Variants in TBC1D4 observed in about 807,000 individuals in gnomAD.
TBC1D4 encodes the protein TBC1 domain family member 4.
TBC1D4 carries 121 observed loss-of-function variants against 142.5 expected under a neutral mutation model. That is an observed-to-expected ratio of 0.85 (90% CI 0.73 to 0.99). The LOEUF is 0.99. Among genes scored for constraint, TBC1D4 ranks in the 50% least tolerant of loss-of-function variants. The probability of loss-of-function intolerance (pLI) is 0.00; values close to 1 mark genes in which losing one functional copy is unlikely to be tolerated. For synonymous variants in TBC1D4, 630 were observed against 628.2 expected (o/e 1.00, Z -0.04); for missense variants, 1,475 against 1,606.6 (o/e 0.92, Z 1.40).
At chr13:75,420,759 G>A (rs1012005768) in intron 1 of TBC1D4, among the ~76,000 whole-genome samples, 11 of 152,200 alleles carry the variant, frequency 7.2e-5, no homozygotes, top group Admixed American at 6.5e-5. Flanking sequence ...ATGTAGTGGG[G>A]TACGCAGATG....
At position 75,307,399 on chromosome 13, in the gene TBC1D4, A is replaced by G. The variant is rs143071319; in HGVS notation, c.2594-928T>C. Among the ~76,000 whole-genome samples, 1,015 of 152,320 alleles carry G rather than the reference A, an allele frequency of 6.7e-3. 42 individuals carry two copies. The highest frequency in any genetic ancestry group is 0.061 in the Admixed American group (933 of 15,298). ...ATCCGCCCAGAGCTCATTAAAAGAAATGTCTATAAAAGCAACCAGTATCTT... is the reference window on the plus strand; with the variant it reads ...ATCCGCCCAGAGCTCATTAAAAGAAGTGTCTATAAAAGCAACCAGTATCTT... On this transcript the variant is annotated intron_variant, in intron 14 of 20. Coordinates refer to ENST00000377636, the MANE Select transcript of TBC1D4 (RefSeq NM_014832.5).
intron 1 of TBC1D4, among the ~76,000 whole-genome samples, chr13:75,400,886 A>T (rs1885057480): frequency 6.6e-6 from 1 of 152,128 alleles, no homozygotes; most frequent in Non-Finnish European, 1.5e-5. Context: ...TTCATGTGCA[A>T]CCATCACCCA....
intron 1 of TBC1D4, among the ~76,000 whole-genome samples, chr13:75,418,303 G>A (rs191927634): frequency 2.6e-5 from 4 of 152,166 alleles, no homozygotes; most frequent in East Asian, 1.9e-4. Context: ...AATTGTAATC[G>A]AATGTGTGAA....
intron 1 of TBC1D4, among the ~76,000 whole-genome samples, chr13:75,468,514 T>A (rs1888260475): frequency 6.6e-6 from 1 of 151,564 alleles, no homozygotes; most frequent in Non-Finnish European, 1.5e-5. Context: ...GCAAACTTCC[T>A]ATGTTTTGAT....
chr13:75,413,722 C>A (rs1885786925), intron 1 of TBC1D4, among the ~76,000 whole-genome samples: 1 of 152,116 alleles, frequency 6.6e-6, no homozygotes, highest in African/African-American at 2.4e-5. Flanking sequence ...CGGCGGGAAA[C>A]ACTTTGTATT....
intron 5 of TBC1D4, among the ~76,000 whole-genome samples, chr13:75,344,859 A>G (rs1881021799): frequency 6.6e-6 from 1 of 152,210 alleles, no homozygotes; most frequent in South Asian, 2.1e-4. Flanking sequence ...ATAAAATACT[A>G]CTATCTGGTT....
In TBC1D4 at chr13:75,417,510, G is replaced by T. The variant is rs1415450726; in HGVS notation, c.499-54903C>A. On this transcript the variant is annotated intron_variant, in intron 1 of 20. Coordinates refer to ENST00000377636, the MANE Select transcript of TBC1D4 (RefSeq NM_014832.5). ...GAGTCATAAAAATGAAAAAAAAATTGCCTGGGCTCAGAATAGAAGGCTCCT... is the reference window on the plus strand; with the variant it reads ...GAGTCATAAAAATGAAAAAAAAATTTCCTGGGCTCAGAATAGAAGGCTCCT... Among the ~76,000 whole-genome samples the T allele has an allele frequency of 2.0e-5, 3 of 151,996 alleles. No individual in the cohort carries two copies. In the East Asian group the frequency reaches 5.8e-4, roughly 29 times the overall value.
intron 1 of TBC1D4, among the ~76,000 whole-genome samples, chr13:75,439,877 G>T (rs1593887175): frequency 1.3e-5 from 2 of 151,954 alleles, no homozygotes; most frequent in African/African-American, 4.8e-5. Context: ...AAAAAGAAAA[G>T]AAAAGAAAAT....
intron 1 of TBC1D4, among the ~76,000 whole-genome samples, chr13:75,405,827 A>AT (rs1018290581): frequency 1.3e-5 from 1 of 76,364 alleles, no homozygotes; most frequent in East Asian, 3.3e-3. Context: ...CAAAGAGTAG[A>AT]CCCAAAAAAA....
At chr13:75,449,472 T>C (rs1887438412) in intron 1 of TBC1D4, among the ~76,000 whole-genome samples, 1 of 152,038 alleles carries the variant, frequency 6.6e-6, no homozygotes, top group Non-Finnish European at 1.5e-5. Context: ...TATCTTATTG[T>C]ATGCAATATT....
intron 1 of TBC1D4, 22 bp downstream of exon 1, chr13:75,481,248 C>T: frequency 6.2e-7 from 1 of 1,609,072 alleles, no homozygotes; most frequent in Non-Finnish European, 8.5e-7. Flanking sequence ...CCCGCCCCCG[C>T]GCCTCCGAGC....
chr13:75,296,670 G>T (rs1230271665), intron 17 of TBC1D4, among the ~76,000 whole-genome samples: 2 of 152,020 alleles, frequency 1.3e-5, no homozygotes, highest in Non-Finnish European at 2.9e-5. Flanking sequence ...AGGTGAACTG[G>T]AGAAGGAAAG....
At chr13:75,302,524 C>A in intron 15 of TBC1D4, 123 bp from the exon 16 acceptor site, 1 of 1,079,196 alleles carries the variant, frequency 9.3e-7, no homozygotes, top group Non-Finnish European at 1.4e-6. Flanking sequence ...CACCCTAAGA[C>A]CACACAATAT....
chr13:75,412,524 C>CA (rs1470897290), intron 1 of TBC1D4, among the ~76,000 whole-genome samples: 1 of 152,090 alleles, frequency 6.6e-6, no homozygotes, highest in Non-Finnish European at 1.5e-5. Context: ...AGGCTGGTCT[C>CA]AAACTCCTGG....
At chr13:75,299,891 A>G (rs987767740) in intron 16 of TBC1D4, among the ~76,000 whole-genome samples, 7 of 151,964 alleles carry the variant, frequency 4.6e-5, no homozygotes, top group Admixed American at 2.0e-4. Flanking sequence ...CAGGAGAAAT[A>G]CCAGGAAAAT....
intron 5 of TBC1D4, among the ~76,000 whole-genome samples, chr13:75,342,308 A>T (rs1019859067): frequency 6.6e-6 from 1 of 152,234 alleles, no homozygotes; most frequent in Non-Finnish European, 1.5e-5. Context: ...AGATGATTTA[A>T]CATTAACCTA....
intron 8 of TBC1D4, among the ~76,000 whole-genome samples, chr13:75,331,714 T>G (rs972906083): frequency 6.6e-6 from 1 of 151,992 alleles, no homozygotes; most frequent in Non-Finnish European, 1.5e-5. Flanking sequence ...TTCTTTGCAT[T>G]TAAAAAATGG....
At chr13:75,423,081 T>C in intron 1 of TBC1D4, among the ~76,000 whole-genome samples, 1 of 152,142 alleles carries the variant, frequency 6.6e-6, no homozygotes, top group East Asian at 1.9e-4. Context: ...GAGTTAATCT[T>C]AAGGGAAAAG....
At chr13:75,344,092 A>G (rs1171199934) in intron 5 of TBC1D4, among the ~76,000 whole-genome samples, 2 of 150,638 alleles carry the variant, frequency 1.3e-5, no homozygotes, top group Non-Finnish European at 3.0e-5. Context: ...CAGGTGATCC[A>G]CCTGCCTCGG....
Sources: allele counts gnomAD v4.1 joint callset (sites outside exome capture counted in the v4.1 genomes callset), GRCh38; gene constraint gnomAD v4.1.1; transcripts MANE v1.5; gene names NCBI Gene and HGNC (gene_info 2026-07-23, HGNC 2026-07-21).